OCRL: variants seen among roughly 807,000 people sequenced by gnomAD.
The protein encoded by OCRL is OCRL inositol polyphosphate-5-phosphatase.
In OCRL, 8 loss-of-function variants were observed where a neutral mutation model predicts 78.9. The ratio of observed to expected loss-of-function variants is 0.10; its 90% confidence interval spans 0.06 to 0.18. The LOEUF is 0.18. Among genes scored for constraint, OCRL ranks in the 10% least tolerant of loss-of-function variants. The pLI is 1.00. For missense variants in OCRL, 454 were observed against 696.7 expected (o/e 0.65, Z 3.92); for synonymous variants, 240 against 235.4 (o/e 1.02, Z -0.18).
In OCRL at chrX:129,552,424, AT is replaced by A. The variant is rs768631396; in HGVS notation, c.238+3833del. ...TAGTTTTAGTCATGTTTAGTTTGAGATTTTTTTTTTGTTTTTTGAGATGGAG... is the reference window on the plus strand; with the variant it reads ...TAGTTTTAGTCATGTTTAGTTTGAGATTTTTTTTTGTTTTTTGAGATGGAG... On this transcript the variant is annotated intron_variant, in intron 4 of 23. Transcript: ENST00000371113. Among the ~76,000 whole-genome samples the A allele has an allele frequency of 1.3e-4, 14 of 108,182 alleles. No individual in the cohort carries two copies. In the South Asian group the frequency reaches 4.0e-3, roughly 31 times the overall value. 93.9% of individuals were successfully genotyped at this position (108,182 alleles called of 115,157 possible).
rs941403599 is a variant in OCRL at position 129,591,946 on chromosome X, C to G, written c.*1676C>G. On this transcript the variant is annotated 3_prime_UTR_variant, in exon 24 of 24. Transcript: ENST00000371113. ...CACAAAAAGAGGCAGATGATAGACACTGGGGTAGGGTCATACCACAGGGAA... is the reference window on the plus strand; with the variant it reads ...CACAAAAAGAGGCAGATGATAGACAGTGGGGTAGGGTCATACCACAGGGAA... 8.8e-6 allele frequency: 1 copy of G among 113,443 alleles called. No individual in the cohort carries two copies. Among genetic ancestry groups the G allele is most frequent in the African/African-American group, 3.3e-5 (1 of 30,611 alleles). The allele number at this position is 113,443 out of a possible 1,213,427, so 9.3% of individuals were successfully genotyped here. A position where few individuals can be genotyped will look rare whatever the true frequency, so the allele number is the denominator to read the frequency against.
At chrX:129,575,735 C>T (rs1017510631) in intron 16 of OCRL, 162 bp from the exon 17 acceptor site, 5 of 538,214 alleles carry the variant, frequency 9.3e-6, no homozygotes, top group Admixed American at 5.3e-5. Flanking sequence ...TATAATAATA[C>T]ATGCAAGTGG....
chrX:129,550,635 A>G (rs1486255144), intron 4 of OCRL, among the ~76,000 whole-genome samples: 2 of 111,733 alleles, frequency 1.8e-5, no homozygotes, highest in Non-Finnish European at 3.8e-5. Flanking sequence ...ATTGTTTATT[A>G]CTAGTATACA....
intron 11 of OCRL, 24 bp from the exon 12 acceptor site, chrX:129,562,575 T>C (rs1222541680): frequency 7.5e-6 from 9 of 1,203,267 alleles, no homozygotes; most frequent in Non-Finnish European, 1.0e-5. Context: ...TGTGTACTAA[T>C]TGAATAATTA....
At chrX:129,549,451 A>G (rs1221774404) in intron 4 of OCRL, among the ~76,000 whole-genome samples, 1 of 111,309 alleles carries the variant, frequency 9.0e-6, no homozygotes, top group Non-Finnish European at 1.9e-5. Context: ...CTTTGTTTAG[A>G]CAGTCCCTGC....
At chrX:129,577,318 T>C (rs1355024088) in intron 18 of OCRL, among the ~76,000 whole-genome samples, 1 of 112,277 alleles carries the variant, frequency 8.9e-6, no homozygotes, top group Non-Finnish European at 1.9e-5. Context: ...CAAGCCAAGC[T>C]ATAATATTAA....
chrX:129,576,236 C>A, intron 17 of OCRL, 81 bp from the exon 18 acceptor site: 1 of 1,004,009 alleles, frequency 1.0e-6, no homozygotes, highest in Non-Finnish European at 1.4e-6. Context: ...TTAGAGGACA[C>A]TTTTCTGTTG....
At chrX:129,584,130 A>C (rs1485065073) in intron 18 of OCRL, among the ~76,000 whole-genome samples, 1 of 112,043 alleles carries the variant, frequency 8.9e-6, no homozygotes, top group African/African-American at 3.3e-5. Context: ...ATATTCTCAA[A>C]CTGCACAAAA....
chrX:129,581,227 T>G (rs1263049347), intron 18 of OCRL, among the ~76,000 whole-genome samples: 1 of 112,535 alleles, frequency 8.9e-6, no homozygotes, highest in African/African-American at 3.2e-5. Flanking sequence ...TTAGCTGCAT[T>G]TACCACGGGG....
chrX:129,546,751 A>G (rs912740130), intron 3 of OCRL, among the ~76,000 whole-genome samples: 4 of 111,640 alleles, frequency 3.6e-5, no homozygotes, highest in African/African-American at 1.3e-4. Flanking sequence ...GATCTCTTTT[A>G]CCCTGTTTCT....
In OCRL at chrX:129,576,363, T is replaced by C. The variant is rs765596908; in HGVS notation, c.1926T>C (p.Ser642=). The C allele has an allele frequency of 5.2e-5, 63 of 1,209,862 alleles. No homozygotes were observed. The highest frequency in any genetic ancestry group is 6.5e-5 in the Non-Finnish European group (58 of 894,842). ...ISLDVYVSKD[S]VTILNSGEDK... Reference sequence around the variant, plus strand: ...TTGATGTGTATGTCAGCAAAGACTCTGTAACCATCCTGAACTCGGGAGAAG... The same window carrying C: ...TTGATGTGTATGTCAGCAAAGACTCCGTAACCATCCTGAACTCGGGAGAAG... The change falls in exon 18 of 24, where the codon TCT becomes TCC. Residue 642 remains serine (S), a synonymous_variant. Transcript: ENST00000371113.
At chrX:129,577,924 A>G (rs776435163) in intron 18 of OCRL, among the ~76,000 whole-genome samples, 4 of 110,795 alleles carry the variant, frequency 3.6e-5, no homozygotes, top group Non-Finnish European at 7.6e-5. Context: ...TATTTCTCCT[A>G]CCCCCTTTCC....
intron 15 of OCRL, among the ~76,000 whole-genome samples, chrX:129,570,928 A>G (rs1936291339): frequency 8.9e-6 from 1 of 112,657 alleles, no homozygotes; most frequent in African/African-American, 3.2e-5. Context: ...GATTATACAC[A>G]GGCCATGCCA....
chrX:129,540,638 C>A, intron 1 of OCRL, 106 bp from the exon 2 acceptor site: 1 of 158,494 alleles, frequency 6.3e-6, no homozygotes. Context: ...CGGGGCGGGG[C>A]GGGGGAGGGC....
At chrX:129,540,613 G>A (rs1935777629) in intron 1 of OCRL, 131 bp from the exon 2 acceptor site, 1 of 695,449 alleles carries the variant, frequency 1.4e-6, no homozygotes, top group Non-Finnish European at 2.1e-6. Flanking sequence ...GGCCGGCGCG[G>A]GAGACGAAGC....
At chrX:129,573,697 G>A (rs112778426) in intron 15 of OCRL, among the ~76,000 whole-genome samples, 2,811 of 111,159 alleles carry the variant, frequency 0.025, 42 homozygotes, top group East Asian at 0.065. Context: ...TGGGATTACA[G>A]GCACCCACCA....
rs1290439831 is a variant in OCRL, at chrX:129,557,385, A to T, written c.299A>T (p.Asp100Val). The T allele has an allele frequency of 8.3e-7, 1 of 1,211,581 alleles. No individual in the cohort carries two copies. Among genetic ancestry groups the T allele is most frequent in the Admixed American group, 2.2e-5 (1 of 45,989 alleles). The part of the protein sequence containing the change: ...WIRERRFEIP[D>V]EEHCLKFLSA... ...AGAGAGCGCCGCTTTGAAATCCCTG[A>T]TGAGGAACACTGTTTGAAGTTCCTC... Residue 100 changes from aspartate to valine, a missense_variant, in exon 5 of 24, where the codon GAT (aspartate) becomes GTT (valine). Physicochemically the swap from Asp to Val is radical, Grantham distance 152. This residue lies in a region of OCRL where 177 missense variants were observed against 179.6 expected (regional missense o/e 0.99). Coordinates refer to ENST00000371113, the MANE Select transcript of OCRL (RefSeq NM_000276.4).
intron 14 of OCRL, among the ~76,000 whole-genome samples, chrX:129,568,035 T>C (rs1936243678): frequency 1.9e-5 from 2 of 107,324 alleles, no homozygotes; most frequent in Non-Finnish European, 3.8e-5. Context: ...TGCCTCAGCC[T>C]CCCGAGTAGC....
At chrX:129,572,025 G>T in intron 15 of OCRL, among the ~76,000 whole-genome samples, 1 of 111,862 alleles carries the variant, frequency 8.9e-6, no homozygotes, top group Non-Finnish European at 1.9e-5. Flanking sequence ...GCAGCAGGGG[G>T]CTATTGAGTA....
Sources: allele counts gnomAD v4.1 joint callset (sites outside exome capture counted in the v4.1 genomes callset), GRCh38; gene constraint gnomAD v4.1.1; regional missense constraint gnomAD v4.1.1; transcripts MANE v1.5; gene names NCBI Gene and HGNC (gene_info 2026-07-23, HGNC 2026-07-21).